The following HUNK variants were observed in gnomAD, a reference collection of about 807,000 sequenced individuals.
The protein encoded by HUNK is hormonally up-regulated Neu-associated kinase.
A neutral mutation model predicts 61.0 loss-of-function variants in HUNK; 21 were observed. The ratio of observed to expected loss-of-function variants is 0.34; its 90% CI spans 0.24 to 0.50. The LOEUF (loss-of-function observed/expected upper bound fraction) is 0.50. Among genes scored for constraint, HUNK ranks in the 20% least tolerant of loss-of-function variants. HUNK has a pLI of 0.98. For missense variants in HUNK, 772 were observed against 945.7 expected, an observed-to-expected ratio of 0.82 and a Z score of 2.41; for synonymous variants, 371 against 386.1, an observed-to-expected ratio of 0.96 and a Z score of 0.46.
In HUNK at chr21:31,880,635, G is replaced by A. The variant is rs183457491; in HGVS notation, c.261+6700G>A. Among the ~76,000 whole-genome samples, 3 of 152,276 alleles carry A rather than the reference G, an allele frequency of 2.0e-5. No individual in the cohort carries two copies. The East Asian group carries it at 5.8e-4, about 29-fold the overall frequency. On this transcript the variant is annotated intron_variant, in intron 1 of 10. Transcript: ENST00000270112. ...TGGGATGTAGGTCTACCCTAATCCA[G>A]TGTTGCCTCATTTTAACTCGATGAC...
chr21:31,892,763 A>G (rs1471225516), intron 1 of HUNK, among the ~76,000 whole-genome samples: 3 of 152,066 alleles, frequency 2.0e-5, no homozygotes, highest in Non-Finnish European at 4.4e-5. Flanking sequence ...AAGGGAGGTG[A>G]GGAAAAAGAT....
intron 8 of HUNK, among the ~76,000 whole-genome samples, chr21:31,987,484 C>T (rs756539105): frequency 4.6e-5 from 7 of 152,190 alleles, no homozygotes; most frequent in Non-Finnish European, 7.3e-5. Context: ...TGCCCCACTG[C>T]GAGTGTGTGT....
At chr21:31,961,428 T>A (rs1161802015) in intron 5 of HUNK, among the ~76,000 whole-genome samples, 2 of 152,224 alleles carry the variant, frequency 1.3e-5, no homozygotes, top group East Asian at 3.8e-4. Context: ...GTGAAATTGC[T>A]GGGTTGGGTA....
intron 7 of HUNK, among the ~76,000 whole-genome samples, chr21:31,980,747 C>G (rs948695366): frequency 7.9e-5 from 12 of 151,246 alleles, no homozygotes; most frequent in African/African-American, 2.9e-4. Context: ...TCTTGTTGTC[C>G]AGGCTGGAGT....
chr21:31,983,266 A>T (rs905372658), intron 7 of HUNK, among the ~76,000 whole-genome samples: 2 of 152,118 alleles, frequency 1.3e-5, no homozygotes, highest in African/African-American at 4.8e-5. Flanking sequence ...GGGGGCAGTG[A>T]TCTACTCAGG....
In HUNK at chr21:31,981,737, G is replaced by T. The variant is rs145343615; in HGVS notation, c.1174-1789G>T. On this transcript the variant is annotated intron_variant, in intron 7 of 10. Transcript: ENST00000270112. ...TCTGCAACTTTACTAAATTCATTTA[G>T]TAGTTCAAACAGTTTTTTGGTAGTC... Among the ~76,000 whole-genome samples, 512 of 152,206 alleles carry T rather than the reference G, an allele frequency of 3.4e-3. 2 individuals carry two copies. Among genetic ancestry groups the T allele is most frequent in the African/African-American group, 0.012 (504 of 41,550 alleles).
chr21:31,879,880 T>A (rs1003623341), intron 1 of HUNK, among the ~76,000 whole-genome samples: 1 of 152,192 alleles, frequency 6.6e-6, no homozygotes. Context: ...TCTTGGCTAA[T>A]TGAAACCCGT....
rs374547402 is a variant in HUNK at position 31,956,307 on chromosome 21, T to C, written c.747-2536T>C. On this transcript the variant is annotated intron_variant, in intron 4 of 10. Transcript: ENST00000270112. ...GATGGAACAGGCTGGCTCAGAAGCA[T>C]TGGGAACAGCTTGTCTCAGAGGCTG... 1.2e-4 allele frequency among the ~76,000 whole-genome samples: 18 copies of C among 152,280 alleles called. No homozygotes were observed. The East Asian group carries it at 1.4e-3, about 11-fold the overall frequency.
intron 1 of HUNK, among the ~76,000 whole-genome samples, chr21:31,883,301 G>A (rs905790963): frequency 6.6e-6 from 1 of 151,536 alleles, no homozygotes; most frequent in Non-Finnish European, 1.5e-5. Flanking sequence ...CAGCCAACAG[G>A]GTACTCATTT....
intron 2 of HUNK, among the ~76,000 whole-genome samples, chr21:31,927,631 G>A (rs1207313810): frequency 2.6e-5 from 4 of 151,610 alleles, no homozygotes; most frequent in Non-Finnish European, 4.4e-5. Flanking sequence ...ACAACAGAGC[G>A]AGACTTGTCT....
chr21:31,974,488 A>G, intron 6 of HUNK, 67 bp from the exon 7 acceptor site: 1 of 1,428,322 alleles, frequency 7.0e-7, no homozygotes, highest in Admixed American at 2.3e-5. Context: ...GATTGTGCCC[A>G]GGGGGTCTGT....
At position 31,924,906 on chromosome 21, in the gene HUNK, A is replaced by G; in HGVS notation, c.554+146A>G. The G allele has an allele frequency of 2.8e-6, 2 of 702,968 alleles. No individual in the cohort carries two copies. The highest frequency in any genetic ancestry group is 5.9e-5 in the East Asian group (2 of 34,018). 43.5% of individuals were successfully genotyped at this position (702,968 alleles called of 1,614,324 possible). A position where few individuals can be genotyped will look rare whatever the true frequency, so the allele number is the denominator to read the frequency against. On this transcript the variant is annotated intron_variant, in intron 2 of 10. Coordinates refer to ENST00000270112, the MANE Select transcript of HUNK (RefSeq NM_014586.2). This position sits in a 1 kb window ranked among gnomAD's most constrained non-coding sequence, Gnocchi z 5.1. The stretch of plus-strand genomic sequence containing the variant: ...ATATTTTAATTTTATTTATTTGTTT[A>G]TTTTTTTGAGACGGAGTTTTGTTCT...
chr21:31,980,580 G>A (rs2053090359), intron 7 of HUNK, among the ~76,000 whole-genome samples: 1 of 151,798 alleles, frequency 6.6e-6, no homozygotes, highest in Non-Finnish European at 1.5e-5. Flanking sequence ...TGTATGTTTA[G>A]TAGAGATGGG....
chr21:31,896,550 A>T (rs2033497913), intron 1 of HUNK, among the ~76,000 whole-genome samples: 1 of 152,230 alleles, frequency 6.6e-6, no homozygotes, highest in Admixed American at 6.5e-5. Context: ...GTGCTGTCTC[A>T]TTCCATGTTG....
At chr21:31,920,718 G>A (rs919880374) in intron 1 of HUNK, among the ~76,000 whole-genome samples, 2 of 152,184 alleles carry the variant, frequency 1.3e-5, no homozygotes, top group Admixed American at 6.5e-5. Flanking sequence ...GCATCAGCCC[G>A]AGCTGACTTG....
Position 31,968,317 on chromosome 21 carries a change from A to G in HUNK, c.942A>G (p.Ala314=). The G allele has an allele frequency of 6.2e-7, 1 of 1,614,212 alleles. No homozygotes were observed. Among genetic ancestry groups the G allele is most frequent in the Non-Finnish European group, 8.5e-7 (1 of 1,180,020 alleles). The change falls in exon 6 of 11, where the codon GCA becomes GCG. Residue 314 remains alanine, a synonymous_variant. Coordinates refer to ENST00000270112, the MANE Select transcript of HUNK (RefSeq NM_014586.2). ...DPVKRPNIQQ[A]LANRWLNENY... ...TGAAGAGGCCAAATATTCAGCAGGC[A>G]CTGGCGAATCGCTGGCTTAATGAGA...
intron 1 of HUNK, among the ~76,000 whole-genome samples, chr21:31,903,270 C>G (rs1209779702): frequency 3.3e-5 from 5 of 152,146 alleles, no homozygotes; most frequent in African/African-American, 1.2e-4. Flanking sequence ...AATGTATTTT[C>G]ATAATGATTA....
At chr21:31,965,594 C>CTTTTTTTTTTTTTTTT (rs71193162) in intron 5 of HUNK, among the ~76,000 whole-genome samples, 4 of 127,464 alleles carry the variant, frequency 3.1e-5, no homozygotes, top group Non-Finnish European at 6.5e-5. Context: ...CTTTGTTTTT[C>CTTTTTTTTTTTTTTTT]TTTTTTTTTT....
At chr21:31,931,930 A>G (rs771298479) in intron 2 of HUNK, among the ~76,000 whole-genome samples, 57 of 150,006 alleles carry the variant, frequency 3.8e-4, no homozygotes, top group Non-Finnish European at 8.2e-4. Flanking sequence ...GCGCACACAC[A>G]CACACGCGCG....
Sources: gnomAD v4.1 joint callset for allele counts (sites outside exome capture counted in the v4.1 genomes callset) on GRCh38, gnomAD v4.1.1 for gene constraint, Gnocchi (gnomAD v3.1) non-coding constraint, MANE v1.5 for transcripts, NCBI Gene and HGNC (gene_info 2026-07-23, HGNC 2026-07-21) for gene names.